Variants in PCCA observed in about 807,000 individuals in gnomAD.
The protein encoded by PCCA is propionyl-CoA carboxylase alpha chain, mitochondrial.
A neutral mutation model predicts 101.3 loss-of-function variants in PCCA; 74 were observed. The ratio of observed to expected loss-of-function variants is 0.73; its 90% CI spans 0.61 to 0.89. The LOEUF is 0.89. Ranked by LOEUF, PCCA falls within the 40% of genes least tolerant of loss-of-function variation. PCCA has a pLI of 0.00. For synonymous variants in PCCA, 294 were observed against 313.6 expected (o/e 0.94, Z 0.66); for missense variants, 891 against 907.0 (o/e 0.98, Z 0.23).
At position 100,095,093 on chromosome 13, in the gene PCCA, T is replaced by A. The variant is rs575980341; in HGVS notation, c.105+5868T>A. ...CTTGCCTCTTTGAGCTTCTGGTGGC[T>A]GCATTCATTCCTTGGCTTGTGGCTG... is the stretch of plus-strand genomic sequence containing the variant. On this transcript the variant is annotated intron_variant, in intron 1 of 23. Coordinates refer to ENST00000376285, the MANE Select transcript of PCCA (RefSeq NM_000282.4). Among the ~76,000 whole-genome samples the A allele has an allele frequency of 5.9e-5, 9 of 152,312 alleles. No homozygotes were observed. The South Asian group carries it at 1.9e-3, about 32-fold the overall frequency.
At chr13:100,228,452 T>C (rs1056413641) in intron 7 of PCCA, among the ~76,000 whole-genome samples, 7 of 152,238 alleles carry the variant, frequency 4.6e-5, no homozygotes, top group Non-Finnish European at 1.0e-4. Flanking sequence ...TTTCATGTAT[T>C]GTGTGTCATG....
chr13:100,528,759 T>C (rs1325421917), intron 23 of PCCA, among the ~76,000 whole-genome samples: 32 of 152,262 alleles, frequency 2.1e-4, no homozygotes, highest in Admixed American at 2.1e-3. Context: ...GAATTCTTTC[T>C]AAATTACTTC....
chr13:100,094,661 C>T (rs1241845522), intron 1 of PCCA, among the ~76,000 whole-genome samples: 1 of 152,162 alleles, frequency 6.6e-6, no homozygotes. Context: ...GATCTCCGCT[C>T]ACGGCAACCT....
chr13:100,338,592 T>A (rs2070852426), intron 17 of PCCA, among the ~76,000 whole-genome samples: 1 of 151,748 alleles, frequency 6.6e-6, no homozygotes, highest in Non-Finnish European at 1.5e-5. Context: ...ATACTTCTTA[T>A]ATAGAGTAAT....
chr13:100,151,137 G>T, intron 4 of PCCA: 1 of 1,014,890 alleles, frequency 9.9e-7, no homozygotes, highest in Non-Finnish European at 1.5e-6. Context: ...AAGAAAAGAA[G>T]TTTAATTTAT....
chr13:100,097,722 A>T (rs1188446523), intron 1 of PCCA, among the ~76,000 whole-genome samples: 1 of 152,172 alleles, frequency 6.6e-6, no homozygotes, highest in Non-Finnish European at 1.5e-5. Flanking sequence ...CGTCTCAAAA[A>T]ACAAACAAAC....
intron 12 of PCCA, among the ~76,000 whole-genome samples, chr13:100,283,416 T>C (rs1019535519): frequency 1.3e-5 from 2 of 152,140 alleles, no homozygotes; most frequent in Non-Finnish European, 2.9e-5. Context: ...AAAAAACCCA[T>C]GAATTATTCA....
intron 16 of PCCA, among the ~76,000 whole-genome samples, chr13:100,328,356 C>T (rs1343685953): frequency 7.0e-6 from 1 of 142,122 alleles, no homozygotes; most frequent in African/African-American, 2.6e-5. Context: ...GAGTGAGACC[C>T]TGTCTCAAAA....
At chr13:100,355,943 G>A (rs371309345) in intron 18 of PCCA, among the ~76,000 whole-genome samples, 226 of 152,252 alleles carry the variant, frequency 1.5e-3, no homozygotes, top group African/African-American at 5.0e-3. Context: ...GAATAGAATC[G>A]AGACTCCAGA....
chr13:100,130,684 C>T lies in PCCA; in HGVS notation c.300+18623C>T, dbSNP rs114787115. Among the ~76,000 whole-genome samples, 1,123 of 152,082 alleles carry T rather than the reference C, an allele frequency of 7.4e-3. 14 individuals are homozygous for T. The highest frequency in any genetic ancestry group is 0.026 in the African/African-American group (1,072 of 41,480). ...ATCAATGATAGATTAGTTTAGTTTCCGGGTCTATAGTATATTCCTCAAATG... is the reference window on the plus strand; with the variant it reads ...ATCAATGATAGATTAGTTTAGTTTCTGGGTCTATAGTATATTCCTCAAATG... On this transcript the variant is annotated intron_variant, in intron 4 of 23. Transcript: ENST00000376285.
chr13:100,293,153 G>A (rs778520768), intron 12 of PCCA: 5 of 466,022 alleles, frequency 1.1e-5, no homozygotes, highest in Non-Finnish European at 2.2e-5. Flanking sequence ...CCATATCTTT[G>A]AGAACAGACA....
chr13:100,328,825 C>G (rs1260722635), intron 16 of PCCA, among the ~76,000 whole-genome samples: 1 of 149,796 alleles, frequency 6.7e-6, no homozygotes, highest in Non-Finnish European at 1.5e-5. Context: ...TCCCAAGTAG[C>G]GGGGATTACA....
Position 100,301,465 on chromosome 13 carries a change from G to T in PCCA, c.1071G>T (p.Glu357Asp), listed in dbSNP as rs761295534. 2 of 1,614,052 alleles carry T rather than the reference G, an allele frequency of 1.2e-6. No homozygotes were observed. Among genetic ancestry groups the T allele is most frequent in the Admixed American group, 3.3e-5 (2 of 60,016 alleles). ...FLEMNTRLQV[E>D]HPVTECITGL... is the part of the protein sequence containing the mutation. Reference sequence around the variant, plus strand: ...GGCAGACCTTGGCCTTGCAGGTTGAGCATCCTGTCACAGAATGCATTACTG... The same window carrying T: ...GGCAGACCTTGGCCTTGCAGGTTGATCATCCTGTCACAGAATGCATTACTG... Residue 357 changes from glutamate to aspartate, a missense_variant, in exon 13 of 24, where the codon GAG becomes GAT. Glu to Asp is a conservative substitution (Grantham distance 45, BLOSUM62 2). Transcript: ENST00000376285.
chr13:100,405,503 A>T (rs1285617691), intron 19 of PCCA, among the ~76,000 whole-genome samples: 2 of 152,210 alleles, frequency 1.3e-5, no homozygotes, highest in Non-Finnish European at 2.9e-5. Context: ...AAAAATTATG[A>T]TAGGACTGAG....
chr13:100,236,417 G>T, intron 8 of PCCA: 1 of 153,096 alleles, frequency 6.5e-6, no homozygotes, highest in Non-Finnish European at 1.5e-5. Flanking sequence ...ACTTGTATTT[G>T]GGCAGTGTTT....
intron 19 of PCCA, among the ~76,000 whole-genome samples, chr13:100,391,648 C>G (rs764954104): frequency 1.3e-5 from 2 of 152,110 alleles, no homozygotes; most frequent in Admixed American, 1.3e-4. Context: ...GGCCTTTAAA[C>G]TATGGGTTTC....
At chr13:100,509,144 C>T (rs2152994032) in intron 21 of PCCA, among the ~76,000 whole-genome samples, 1 of 146,278 alleles carries the variant, frequency 6.8e-6, no homozygotes, top group East Asian at 2.1e-4. Context: ...GTTCATATTT[C>T]ACAACGCTGA....
chr13:100,138,800 T>C (rs1046011249), intron 4 of PCCA, among the ~76,000 whole-genome samples: 1 of 151,780 alleles, frequency 6.6e-6, no homozygotes, highest in Non-Finnish European at 1.5e-5. Flanking sequence ...CCAGGCGCAG[T>C]GGTAGGCGTC....
At chr13:100,524,978 A>AGGATGGATGGAT (rs2087639621) in intron 22 of PCCA, among the ~76,000 whole-genome samples, 2 of 74,962 alleles carry the variant, frequency 2.7e-5, no homozygotes, top group Non-Finnish European at 5.3e-5. Flanking sequence ...TTCTGTCTCT[A>AGGATGGATGGAT]AGATGGATAG....
Sources: gnomAD v4.1 joint callset for allele counts (sites outside exome capture counted in the v4.1 genomes callset) on GRCh38, gnomAD v4.1.1 for gene constraint, MANE v1.5 for transcripts, NCBI Gene and HGNC (gene_info 2026-07-23, HGNC 2026-07-21) for gene names.